The following SRP14 variants were observed in gnomAD, a reference collection of about 807,000 sequenced individuals.
SRP14 encodes signal recognition particle 14, also known as signal recognition particle 14 kDa protein.
In SRP14, 1 loss-of-function variant was observed where a neutral mutation model predicts 16.0. The observed-to-expected ratio is 0.06, with a 90% CI of 0.02 to 0.30. SRP14 has a LOEUF of 0.30. Among genes scored for constraint, SRP14 ranks in the 10% least tolerant of loss-of-function variants. SRP14 has a pLI of 1.00. For missense variants in SRP14, 120 were observed against 163.1 expected, an observed-to-expected ratio of 0.74 and a Z score of 1.44; for synonymous variants, 67 against 60.1, an observed-to-expected ratio of 1.12 and a Z score of -0.53.
At chr15:40,038,597 G>C (rs1326745881) in intron 2 of SRP14, 1 of 607,920 alleles carries the variant, frequency 1.6e-6, no homozygotes, top group African/African-American at 1.9e-5. Context: ...TAATATCGAA[G>C]CACGTTAAAT....
intron 3 of SRP14, chr15:40,037,412 T>G: frequency 1.8e-6 from 2 of 1,101,508 alleles, no homozygotes; most frequent in South Asian, 3.1e-5. Context: ...ATAGAAGATA[T>G]ATTTAAACTA....
At position 40,036,968 on chromosome 15, in the gene SRP14, G is replaced by T. The variant is rs2035634577; in HGVS notation, c.243+18C>A. On this transcript the variant is annotated intron_variant, in intron 4 of 4. Coordinates refer to ENST00000267884, the MANE Select transcript of SRP14 (RefSeq NM_003134.6). ...TCTTGCCCTGAGAAGGGAAACATAA[G>T]GAACACCCAAAACTCACCATCTGAA... The T allele has an allele frequency of 6.2e-7, 1 of 1,613,660 alleles. No homozygotes were observed. Among genetic ancestry groups the T allele is most frequent in the South Asian group, 1.1e-5 (1 of 91,056 alleles).
Position 40,037,409 on chromosome 15 carries a change from ATATATT to A in SRP14, c.211-397_211-392del, listed in dbSNP as rs1161060080. On this transcript the variant is annotated intron_variant, in intron 3 of 4. Coordinates refer to ENST00000267884, the MANE Select transcript of SRP14 (RefSeq NM_003134.6). ...TTAATTTTTTATACATTAATAGAAG[ATATATT>A]TAAACTACTCCCTCCCCATCTTATT... 22 of 1,144,690 alleles carry A rather than the reference ATATATT, an allele frequency of 1.9e-5. No individual in the cohort carries two copies. In the Admixed American group the frequency reaches 7.8e-4, roughly 40 times the overall value. The allele number at this position is 1,144,690 out of a possible 1,614,324, so 70.9% of individuals were successfully genotyped here.
chr15:40,038,466 G>A, intron 2 of SRP14, 72 bp from the exon 3 acceptor site: 1 of 1,046,722 alleles, frequency 9.6e-7, no homozygotes, highest in South Asian at 1.3e-5. Flanking sequence ...AGTTAAAACA[G>A]AGGAGTGGGG....
chr15:40,039,084 T>C lies in SRP14; in HGVS notation c.24+9A>G. On this transcript the variant is annotated intron_variant, in intron 1 of 4. Transcript: ENST00000267884. ...CCCCCTTCCCTCGGCCGGCCAGGCCTAGCCATACCTGCTCGCTCTCCAACA... is the reference window on the plus strand; with the variant it reads ...CCCCCTTCCCTCGGCCGGCCAGGCCCAGCCATACCTGCTCGCTCTCCAACA... 1.2e-6 allele frequency: 2 copies of C among 1,612,286 alleles called. No homozygotes were observed.
rs761934126 is a variant in SRP14, at chr15:40,036,368, TTGTTGGTGC to T, written c.367_375del (p.Ala123_Thr125del). ...GCTGTTGCTGCTGTTGTTGCTGCTGTTGTTGGTGCTGTTGCTGCTGCGGCAGGTGCTGCT... is the reference window on the plus strand; with the variant it reads ...GCTGTTGCTGCTGTTGTTGCTGCTGTTGTTGCTGCTGCGGCAGGTGCTGCT... On this transcript the variant is annotated inframe_deletion, in exon 5 of 5. Transcript: ENST00000267884. 5.7e-5 allele frequency: 92 copies of T among 1,600,426 alleles called. No homozygotes were observed. Among genetic ancestry groups the T allele is most frequent in the Middle Eastern group, 1.8e-4 (1 of 5,654 alleles).
chr15:40,038,389 C>A lies in SRP14; in HGVS notation c.103G>T (p.Gly35Cys), dbSNP rs11542828. Residue 35 changes from glycine (G) to cysteine (C), a missense_variant, in exon 3 of 5, where the codon GGT (glycine) becomes TGT (cysteine). Coordinates refer to ENST00000267884, the MANE Select transcript of SRP14 (RefSeq NM_003134.6). ...TTCTTTGGAATGGGTTTGGTTCGAC[C>A]GTCATCTGAAGGAAAAAATGCATCC... ...SVYITLKKYD[G>C]RTKPIPKKGT... 1 of 1,612,888 alleles carries A rather than the reference C, an allele frequency of 6.2e-7. No individual in the cohort carries two copies. The highest frequency in any genetic ancestry group is 8.5e-7 in the Non-Finnish European group (1 of 1,178,956).
chr15:40,036,929 A>G, intron 4 of SRP14, 57 bp downstream of exon 4: 1 of 1,585,190 alleles, frequency 6.3e-7, no homozygotes, highest in Non-Finnish European at 8.7e-7. Context: ...CCCAGTGTTC[A>G]CTATCATACT....
In SRP14 at chr15:40,036,367, G is replaced by A. The variant is rs553652196; in HGVS notation, c.377C>T (p.Thr126Ile). 1 of 1,600,818 alleles carries A rather than the reference G, an allele frequency of 6.2e-7. No homozygotes were observed. The highest frequency in any genetic ancestry group is 2.3e-5 in the East Asian group (1 of 44,252). Residue 126 changes from threonine (T) to isoleucine (I), a missense_variant, in exon 5 of 5, where the codon ACA (threonine) becomes ATA (isoleucine). Physicochemically the swap from Thr to Ile is moderately conservative, Grantham distance 89. This residue lies in a region of SRP14 where 43 missense variants were observed against 37.0 expected (regional missense o/e 1.16). Coordinates refer to ENST00000267884, the MANE Select transcript of SRP14 (RefSeq NM_003134.6). ...APAAAATAPT[T>I]AATTAATAAQ The stretch of plus-strand genomic sequence containing the variant: ...TGCTGTTGCTGCTGTTGTTGCTGCT[G>A]TTGTTGGTGCTGTTGCTGCTGCGGC...
Position 40,038,409 on chromosome 15 carries a change from G to A in SRP14, c.98-15C>T, listed in dbSNP as rs754659852. The A allele has an allele frequency of 3.2e-6, 5 of 1,568,582 alleles. No homozygotes were observed. The East Asian group carries it at 1.1e-4, about 35-fold the overall frequency. On this transcript the variant is annotated splice_polypyrimidine_tract_variant and intron_variant, in intron 2 of 4. Coordinates refer to ENST00000267884, the MANE Select transcript of SRP14 (RefSeq NM_003134.6). ...TCGACCGTCATCTGAAGGAAAAAAT[G>A]CATCCTGGTGAACACGGCCGCGTAC...
At position 40,036,514 on chromosome 15, in the gene SRP14, C is replaced by T. The variant is rs1481932984; in HGVS notation, c.244-14G>A. Reference sequence around the variant, plus strand: ...GTTTGAATAAGCCTGAAAGATACAACAGAGCATACCTTAGTGGGAAGATGT... The same window carrying T: ...GTTTGAATAAGCCTGAAAGATACAATAGAGCATACCTTAGTGGGAAGATGT... On this transcript the variant is annotated splice_polypyrimidine_tract_variant and intron_variant, in intron 4 of 4. Coordinates refer to ENST00000267884, the MANE Select transcript of SRP14 (RefSeq NM_003134.6). The T allele has an allele frequency of 1.1e-5, 17 of 1,608,686 alleles. No individual in the cohort carries two copies. The highest frequency in any genetic ancestry group is 1.4e-5 in the Non-Finnish European group (17 of 1,175,646).
chr15:40,038,226 C>G, intron 3 of SRP14, 56 bp downstream of exon 3: 3 of 1,395,736 alleles, frequency 2.1e-6, no homozygotes, highest in Non-Finnish European at 3.0e-6. Context: ...ACGCCCCATC[C>G]TCTGTTAAGT....
At chr15:40,038,480 G>A (rs2035666440) in intron 2 of SRP14, 86 bp from the exon 3 acceptor site, 1 of 923,076 alleles carries the variant, frequency 1.1e-6, no homozygotes, top group Admixed American at 1.8e-5. Flanking sequence ...AGTGGGGTAA[G>A]TGATGACCTA....
intron 2 of SRP14, 75 bp from the exon 3 acceptor site, chr15:40,038,469 G>T: frequency 9.6e-7 from 1 of 1,038,742 alleles, no homozygotes; most frequent in South Asian, 1.3e-5. Context: ...TAAAACAGAG[G>T]AGTGGGGTAA....
intron 2 of SRP14, 52 bp from the exon 3 acceptor site, chr15:40,038,446 GCAGA>G (rs752156803): frequency 2.2e-4 from 288 of 1,281,544 alleles, no homozygotes; most frequent in Non-Finnish European, 3.1e-4. Context: ...TGGCTGAGCG[GCAGA>G]CAAACAGTTA....
intron 3 of SRP14, 123 bp from the exon 4 acceptor site, chr15:40,037,141 A>G: frequency 7.8e-7 from 1 of 1,289,400 alleles, no homozygotes; most frequent in Non-Finnish European, 1.1e-6. Context: ...ACTTCTCCCC[A>G]ACTTCAGGGT....
At chr15:40,036,957 G>A (rs1260168823) in intron 4 of SRP14, 29 bp downstream of exon 4, 8 of 1,613,322 alleles carry the variant, frequency 5.0e-6, no homozygotes, top group Non-Finnish European at 5.9e-6. Context: ...GCCCTGAGAA[G>A]GGAAACATAA....
intron 2 of SRP14, 104 bp downstream of exon 2, chr15:40,038,772 G>A (rs2035671813): frequency 7.3e-6 from 9 of 1,239,444 alleles, no homozygotes; most frequent in Non-Finnish European, 1.0e-5. Flanking sequence ...AGTACAGGGT[G>A]GGGAAAGGTA....
chr15:40,038,561 A>G (rs1876250203), intron 2 of SRP14, 167 bp from the exon 3 acceptor site: 2 of 617,144 alleles, frequency 3.2e-6, no homozygotes, highest in Non-Finnish European at 5.8e-6. Context: ...CCCTGGAGAA[A>G]CTATTATTTC....
Sources: allele counts gnomAD v4.1 joint callset, GRCh38; gene constraint gnomAD v4.1.1; regional missense constraint gnomAD v4.1.1; transcripts MANE v1.5; gene names NCBI Gene and HGNC (gene_info 2026-07-23, HGNC 2026-07-21).